Variants in CIT observed in about 807,000 individuals in gnomAD.
CIT encodes citron rho-interacting serine/threonine kinase, also known as citron Rho-interacting kinase.
In CIT, 79 loss-of-function variants were observed where a neutral mutation model predicts 272.7. That is an observed-to-expected ratio of 0.29 (90% confidence interval 0.24 to 0.35). The LOEUF (loss-of-function observed/expected upper bound fraction) is 0.35, where lower values mean the gene tolerates loss of function less well. Among genes scored for constraint, CIT ranks in the 10% least tolerant of loss-of-function variants. CIT has a pLI of 1.00. For missense variants in CIT, 1,909 were observed against 2,618.3 expected (o/e 0.73, Z 5.91); for synonymous variants, 948 against 995.6 (o/e 0.95, Z 0.90).
At chr12:119,695,230 C>T (rs1956166563) in intron 46 of CIT, among the ~76,000 whole-genome samples, 1 of 152,180 alleles carries the variant, frequency 6.6e-6, no homozygotes, top group South Asian at 2.1e-4. Flanking sequence ...AGAGTTGAAA[C>T]CAATGTCCTT....
intron 22 of CIT, 142 bp downstream of exon 22, chr12:119,757,229 C>T: frequency 9.2e-7 from 1 of 1,088,888 alleles, no homozygotes; most frequent in African/African-American, 1.6e-5. Flanking sequence ...CCTCCAGACC[C>T]TTTTCTCCTG....
chr12:119,719,243 T>C (rs1378481759), intron 30 of CIT, among the ~76,000 whole-genome samples: 1 of 151,974 alleles, frequency 6.6e-6, no homozygotes, highest in East Asian at 1.9e-4. Context: ...GGAATATGTC[T>C]CATGATGCTC....
chr12:119,741,623 G>C (rs552246016), intron 24 of CIT, among the ~76,000 whole-genome samples: 1 of 152,290 alleles, frequency 6.6e-6, no homozygotes, highest in East Asian at 1.9e-4. Context: ...AGGCTGGGAG[G>C]TGTCTCTGGA....
At chr12:119,757,663 G>T in intron 21 of CIT, 118 bp from the exon 22 acceptor site, 1 of 1,288,028 alleles carries the variant, frequency 7.8e-7, no homozygotes, top group Non-Finnish European at 1.1e-6. Flanking sequence ...GTGGACTAGG[G>T]CCATTCCTGG....
intron 40 of CIT, among the ~76,000 whole-genome samples, chr12:119,705,771 C>CAAAAA (rs148188101): frequency 1.3e-4 from 6 of 46,618 alleles, no homozygotes; most frequent in Non-Finnish European, 1.9e-4. Context: ...GACTCTGTCT[C>CAAAAA]AAAAAAAAAA....
At chr12:119,800,215 G>A (rs1966074609) in intron 10 of CIT, among the ~76,000 whole-genome samples, 1 of 152,092 alleles carries the variant, frequency 6.6e-6, no homozygotes, top group South Asian at 2.1e-4. Context: ...GCTCTTGCTG[G>A]TTAAAAAGGA....
intron 23 of CIT, among the ~76,000 whole-genome samples, chr12:119,747,149 A>G (rs202984): frequency 0.77 from 117,353 of 152,172 alleles, 45,499 homozygotes; most frequent in Middle Eastern, 0.88. Flanking sequence ...ATGGCCAGGC[A>G]CAGTGGCTCA....
chr12:119,813,798 C>T (rs1338433250), intron 9 of CIT, among the ~76,000 whole-genome samples: 5 of 152,202 alleles, frequency 3.3e-5, no homozygotes, highest in Non-Finnish European at 7.3e-5. Context: ...TGCCAGGGTA[C>T]ACTTCCGAGG....
intron 23 of CIT, among the ~76,000 whole-genome samples, chr12:119,745,395 A>C (rs1284032435): frequency 1.4e-5 from 2 of 145,954 alleles, no homozygotes; most frequent in African/African-American, 5.1e-5. Context: ...AAAAAAAAAA[A>C]AAACACCTGT....
intron 5 of CIT, among the ~76,000 whole-genome samples, chr12:119,847,942 A>C (rs897213941): frequency 6.6e-6 from 1 of 152,160 alleles, no homozygotes; most frequent in African/African-American, 2.4e-5. Context: ...TAATACATTC[A>C]AACATGAGAA....
intron 23 of CIT, among the ~76,000 whole-genome samples, chr12:119,746,652 CATT>C (rs1389955450): frequency 2.6e-5 from 4 of 152,174 alleles, no homozygotes. Context: ...AAATTTCAGT[CATT>C]AATACTGATC....
Position 119,825,390 on chromosome 12 carries a change from G to A in CIT, c.754-22C>T, listed in dbSNP as rs752169905. On this transcript the variant is annotated intron_variant, in intron 7 of 47. Coordinates refer to ENST00000392521, the MANE Select transcript of CIT (RefSeq NM_001206999.2). Reference sequence around the variant, plus strand: ...TCACCTAGAATCCCATCAATAAAACGAATACAGCAAACTTTCAATTATCCT... The same window carrying A: ...TCACCTAGAATCCCATCAATAAAACAAATACAGCAAACTTTCAATTATCCT... 46 of 1,605,630 alleles carry A rather than the reference G, an allele frequency of 2.9e-5. No homozygotes were observed. In the East Asian group the frequency reaches 6.0e-4, roughly 21 times the overall value.
At chr12:119,724,829 C>T (rs1957996034) in intron 28 of CIT, among the ~76,000 whole-genome samples, 2 of 148,012 alleles carry the variant, frequency 1.4e-5, no homozygotes, top group African/African-American at 2.5e-5. Flanking sequence ...GTCCCAGCTA[C>T]TCGGGAGGCT....
intron 10 of CIT, among the ~76,000 whole-genome samples, chr12:119,794,887 C>T (rs1419733090): frequency 6.6e-6 from 1 of 152,172 alleles, no homozygotes; most frequent in Non-Finnish European, 1.5e-5. Context: ...CCATGGCAAA[C>T]CTATCAGATA....
intron 47 of CIT, among the ~76,000 whole-genome samples, chr12:119,688,740 C>G (rs935592943): frequency 6.6e-6 from 1 of 152,214 alleles, no homozygotes; most frequent in African/African-American, 2.4e-5. Context: ...TCTCCTCGAT[C>G]GCAAACCTAA....
intron 9 of CIT, among the ~76,000 whole-genome samples, chr12:119,812,758 T>C (rs1167305111): frequency 6.6e-6 from 1 of 151,678 alleles, no homozygotes; most frequent in East Asian, 1.9e-4. Context: ...TTTTTTTTTT[T>C]TTTTTGAGAT....
At chr12:119,776,557 T>C in intron 14 of CIT, 115 bp downstream of exon 14, 1 of 1,150,088 alleles carries the variant, frequency 8.7e-7, no homozygotes, top group South Asian at 1.4e-5. Context: ...TTTTCCAAGG[T>C]ATCCTACTAT....
At chr12:119,723,424 G>A (rs921507156) in intron 28 of CIT, among the ~76,000 whole-genome samples, 17 of 151,594 alleles carry the variant, frequency 1.1e-4, no homozygotes, top group African/African-American at 3.2e-4. Context: ...AAAAGTAAGC[G>A]GGGCATTTGT....
intron 22 of CIT, among the ~76,000 whole-genome samples, chr12:119,755,246 T>C (rs1284056901): frequency 1.3e-5 from 2 of 151,978 alleles, no homozygotes; most frequent in African/African-American, 4.8e-5. Context: ...CAAGACCCCA[T>C]TGCTAGAAAA....
Sources: allele counts gnomAD v4.1 joint callset (sites outside exome capture counted in the v4.1 genomes callset), GRCh38; gene constraint gnomAD v4.1.1; transcripts MANE v1.5; gene names NCBI Gene and HGNC (gene_info 2026-07-23, HGNC 2026-07-21).